Variants in LINC00305 observed in about 807,000 individuals in gnomAD.
LINC00305 encodes long independently transcribed non-coding RNA 305.
rs112032297 is a variant in LINC00305, at chr18:64,136,369, C to T, written n.314+12406G>A. Among the ~76,000 whole-genome samples, 1,148 of 152,242 alleles carry T rather than the reference C, an allele frequency of 7.5e-3. 12 individuals carry two copies. Among genetic ancestry groups the T allele is most frequent in the Non-Finnish European group, 0.011 (759 of 68,024 alleles). On this transcript the variant is annotated intron_variant and non_coding_transcript_variant, in intron 1 of 3. Coordinates refer to ENST00000666468, the Ensembl canonical transcript of LINC00305. Reference sequence around the variant, plus strand: ...AAAGAGGTTTAATGGACTCACAGTTCCATATGGCTGGGGAGGCCTCAGGAA... The same window carrying T: ...AAAGAGGTTTAATGGACTCACAGTTTCATATGGCTGGGGAGGCCTCAGGAA...
chr18:64,139,179 A>C (rs2051449445), intron 1 of LINC00305, among the ~76,000 whole-genome samples: 1 of 152,220 alleles, frequency 6.6e-6, no homozygotes, highest in Non-Finnish European at 1.5e-5. Flanking sequence ...TCAATTCTTA[A>C]TCTCCTGAAA....
intron 1 of LINC00305, among the ~76,000 whole-genome samples, chr18:64,143,345 A>G (rs777136246): frequency 6.6e-6 from 1 of 151,938 alleles, no homozygotes; most frequent in Admixed American, 6.6e-5. Context: ...GGCAGTCTTG[A>G]TTTCCTTATA....
intron 1 of LINC00305, among the ~76,000 whole-genome samples, chr18:64,100,741 G>A (rs760962099): frequency 2.6e-5 from 4 of 152,220 alleles, no homozygotes; most frequent in African/African-American, 4.8e-5. Context: ...TGAGAGACTC[G>A]TGCACCTGTG....
intron 1 of LINC00305, among the ~76,000 whole-genome samples, chr18:64,131,779 G>A (rs972563749): frequency 2.0e-5 from 3 of 152,154 alleles, no homozygotes; most frequent in African/African-American, 4.8e-5. Flanking sequence ...AGGCAAACCC[G>A]AGAACAAGTC....
chr18:64,105,200 G>C (rs1010047363), intron 1 of LINC00305, among the ~76,000 whole-genome samples: 7 of 152,092 alleles, frequency 4.6e-5, no homozygotes, highest in African/African-American at 1.4e-4. Context: ...GTGTCTCACG[G>C]CTGTAATCCC....
chr18:64,132,179 TTG>T (rs1208747719), intron 1 of LINC00305, among the ~76,000 whole-genome samples: 1 of 152,234 alleles, frequency 6.6e-6, no homozygotes, highest in Non-Finnish European at 1.5e-5. Context: ...TTACCTATAT[TTG>T]GTAGGAATCA....
At chr18:64,128,988 T>A (rs968882159) in intron 1 of LINC00305, among the ~76,000 whole-genome samples, 2 of 152,160 alleles carry the variant, frequency 1.3e-5, no homozygotes, top group Non-Finnish European at 2.9e-5. Context: ...AATACTTTTT[T>A]ATTGGTTGCT....
chr18:64,148,572 C>T (rs1031916875), intron 1 of LINC00305, among the ~76,000 whole-genome samples: 2 of 152,064 alleles, frequency 1.3e-5, no homozygotes, highest in African/African-American at 4.8e-5. Flanking sequence ...GGAAGGAAAG[C>T]AAGATGGGGG....
chr18:64,115,911 G>T (rs1368209746), intron 1 of LINC00305, among the ~76,000 whole-genome samples: 2 of 152,138 alleles, frequency 1.3e-5, no homozygotes, highest in Admixed American at 6.5e-5. Context: ...GTTTCTACGG[G>T]AGGATAGGAG....
chr18:64,130,116 A>G (rs2051402901), intron 1 of LINC00305, among the ~76,000 whole-genome samples: 1 of 152,058 alleles, frequency 6.6e-6, no homozygotes, highest in Non-Finnish European at 1.5e-5. Flanking sequence ...ATCTCCTACA[A>G]CACTCTCTTT....
At chr18:64,124,285 AG>A (rs1428305180) in intron 1 of LINC00305, among the ~76,000 whole-genome samples, 3 of 152,154 alleles carry the variant, frequency 2.0e-5, no homozygotes, top group Admixed American at 1.3e-4. Flanking sequence ...CTGAATGGCC[AG>A]CCTGCAGTTC....
At chr18:64,142,028 T>G (rs2051465914) in intron 1 of LINC00305, among the ~76,000 whole-genome samples, 2 of 152,250 alleles carry the variant, frequency 1.3e-5, no homozygotes, top group South Asian at 4.1e-4. Flanking sequence ...TTCTCCTATA[T>G]TCATAGTTGT....
At chr18:64,115,772 C>T (rs1460491201) in intron 1 of LINC00305, among the ~76,000 whole-genome samples, 1 of 152,110 alleles carries the variant, frequency 6.6e-6, no homozygotes, top group East Asian at 1.9e-4. Flanking sequence ...TCTTCCTTTA[C>T]ATCTTTGAGT....
intron 1 of LINC00305, among the ~76,000 whole-genome samples, chr18:64,130,542 A>T (rs2051405011): frequency 6.6e-6 from 1 of 152,188 alleles, no homozygotes; most frequent in South Asian, 2.1e-4. Context: ...TTTTTTTCCC[A>T]ATAAATTTTA....
At chr18:64,143,919 C>T (rs1439450676) in intron 1 of LINC00305, among the ~76,000 whole-genome samples, 6 of 151,920 alleles carry the variant, frequency 3.9e-5, no homozygotes, top group Non-Finnish European at 8.8e-5. Context: ...TTAATTCAAA[C>T]ATGCCAGAAA....
chr18:64,107,323 C>T (rs1026262114), intron 1 of LINC00305, among the ~76,000 whole-genome samples: 5 of 152,172 alleles, frequency 3.3e-5, no homozygotes, highest in Admixed American at 6.5e-5. Flanking sequence ...GGGACATCTG[C>T]AGGAGACAGA....
chr18:64,116,151 T>G (rs1193384984), intron 1 of LINC00305, among the ~76,000 whole-genome samples: 1 of 152,228 alleles, frequency 6.6e-6, no homozygotes, highest in Non-Finnish European at 1.5e-5. Flanking sequence ...CCTATGTGAT[T>G]ATGTGTGCTG....
At chr18:64,121,526 A>G (rs929245887) in intron 1 of LINC00305, among the ~76,000 whole-genome samples, 1 of 152,070 alleles carries the variant, frequency 6.6e-6, no homozygotes, top group African/African-American at 2.4e-5. Context: ...ACATGATTTC[A>G]TTCTTTTTAT....
In LINC00305 at chr18:64,143,667, T is replaced by C. The variant is rs1397790895; in HGVS notation, n.314+5108A>G. On this transcript the variant is annotated intron_variant and non_coding_transcript_variant, in intron 1 of 3. Coordinates refer to ENST00000666468, the Ensembl canonical transcript of LINC00305. ...TATACATATGTATGTACACGTATTATGTATACATATGTATGTCCACATATT... is the reference window on the plus strand; with the variant it reads ...TATACATATGTATGTACACGTATTACGTATACATATGTATGTCCACATATT... 2.0e-5 allele frequency among the ~76,000 whole-genome samples: 3 copies of C among 149,156 alleles called. 1 individual carries two copies. In the East Asian group the frequency reaches 5.8e-4, roughly 29 times the overall value.
Sources: gnomAD v4.1 joint callset for allele counts (sites outside exome capture counted in the v4.1 genomes callset) on GRCh38, gnomAD v4.1.1 for gene constraint, MANE v1.5 for transcripts, NCBI Gene and HGNC (gene_info 2026-07-23, HGNC 2026-07-21) for gene names.